Variants in TNFSF9 observed in about 807,000 individuals in gnomAD.
The protein encoded by TNFSF9 is tumor necrosis factor ligand superfamily member 9.
TNFSF9 carries 10 observed loss-of-function variants against 10.3 expected under a neutral mutation model. The ratio of observed to expected loss-of-function variants is 0.97; its 90% CI spans 0.60 to 1.65. The LOEUF is 1.65. Among genes scored for constraint, TNFSF9 ranks in the 40% most tolerant of loss-of-function variants. TNFSF9 has a pLI of 0.00. For synonymous variants in TNFSF9, 195 were observed against 176.1 expected (o/e 1.11, Z -0.85); for missense variants, 361 against 348.9 (o/e 1.03, Z -0.28).
chr19:6,533,303 G>T, intron 2 of TNFSF9, among the ~76,000 whole-genome samples: 1 of 47,202 alleles, frequency 2.1e-5, no homozygotes, highest in Non-Finnish European at 3.9e-5. Context: ...CCTCCTCCCT[G>T]CCCCTTCCCC....
Position 6,534,613 on chromosome 19 carries a change from T to A in TNFSF9, c.312T>A (p.Asp104Glu). Residue 104 changes from aspartate (D) to glutamate (E), a missense_variant, in exon 3 of 3, where the codon GAT becomes GAA. Coordinates refer to ENST00000245817, the MANE Select transcript of TNFSF9 (RefSeq NM_003811.4). ...QLVAQNVLLIDGPLSWYSDPG... is the reference protein window; with the variant it reads ...QLVAQNVLLIEGPLSWYSDPG... The stretch of plus-strand genomic sequence containing the variant: ...TTCCTCCCACAGTTCTGCTGATCGA[T>A]GGGCCCCTGAGCTGGTACAGTGACC... 1 of 1,573,336 alleles carries A rather than the reference T, an allele frequency of 6.4e-7. No homozygotes were observed. The highest frequency in any genetic ancestry group is 1.4e-5 in the African/African-American group (1 of 73,984).
intron 1 of TNFSF9, 104 bp downstream of exon 1, chr19:6,531,407 A>C: frequency 7.4e-7 from 1 of 1,344,384 alleles, no homozygotes; most frequent in Non-Finnish European, 9.5e-7. Context: ...CCTGTTCTAC[A>C]CTCCCGGCCG....
At position 6,534,619 on chromosome 19, in the gene TNFSF9, C is replaced by T. The variant is rs369015928; in HGVS notation, c.318C>T (p.Pro106=). 3 of 1,576,660 alleles carry T rather than the reference C, an allele frequency of 1.9e-6. No homozygotes were observed. The highest frequency in any genetic ancestry group is 2.6e-6 in the Non-Finnish European group (3 of 1,161,652). ...CCACAGTTCTGCTGATCGATGGGCC[C>T]CTGAGCTGGTACAGTGACCCAGGCC... ...VAQNVLLIDG[P]LSWYSDPGLA... The change falls in exon 3 of 3, where the codon CCC becomes CCT. Residue 106 remains proline, a synonymous_variant. Transcript: ENST00000245817.
intron 1 of TNFSF9, among the ~76,000 whole-genome samples, 164 bp from the exon 2 acceptor site, chr19:6,532,622 T>C (rs1188644320): frequency 7.1e-6 from 1 of 140,046 alleles, no homozygotes; most frequent in Non-Finnish European, 1.5e-5. Context: ...TGTGTGTTTG[T>C]GTGTGTGTGT....
intron 2 of TNFSF9, among the ~76,000 whole-genome samples, chr19:6,533,370 C>T (rs1277608200): frequency 7.4e-6 from 1 of 135,986 alleles, no homozygotes; most frequent in African/African-American, 2.8e-5. Flanking sequence ...CCAGCACCTT[C>T]CCTCCCCGTC....
intron 2 of TNFSF9, among the ~76,000 whole-genome samples, chr19:6,533,393 C>T (rs1202558388): frequency 1.1e-4 from 15 of 134,060 alleles, no homozygotes; most frequent in Admixed American, 7.5e-4. Flanking sequence ...GAGACTTCTT[C>T]CCCGCTCGAG....
chr19:6,532,653 T>G, intron 1 of TNFSF9, 133 bp from the exon 2 acceptor site: 1 of 1,197,526 alleles, frequency 8.4e-7, no homozygotes, highest in South Asian at 1.3e-5. Context: ...TGTTCTTTAG[T>G]TGGGAGGGAA....
chr19:6,532,032 C>T (rs1364862882), intron 1 of TNFSF9, among the ~76,000 whole-genome samples: 1 of 152,160 alleles, frequency 6.6e-6, no homozygotes, highest in Non-Finnish European at 1.5e-5. Context: ...CTGGGGGGAA[C>T]CTTTTTTCCA....
intron 1 of TNFSF9, among the ~76,000 whole-genome samples, 181 bp from the exon 2 acceptor site, chr19:6,532,605 G>T (rs1297182075): frequency 6.6e-6 from 1 of 150,620 alleles, no homozygotes; most frequent in African/African-American, 2.5e-5. Flanking sequence ...GTTTGTGTTC[G>T]TGTGTTTGTG....
At position 6,531,140 on chromosome 19, in the gene TNFSF9, TG is replaced by T; in HGVS notation, c.105del (p.Leu36CysfsTer67). The stretch of plus-strand genomic sequence containing the variant: ...CTGCCTTGGGCCCTGGTCGCGGGGC[TG>T]CTGCTGCTGCTGCTGCTCGCTGCCG... Reference protein sequence around the residue: ...RVLPWALVAGLLLLLLLAAAC... With the variant: ...RVLPWALVAGXLLLLLLAAAC... On this transcript the variant is annotated frameshift_variant, in exon 1 of 3. Coordinates refer to ENST00000245817, the MANE Select transcript of TNFSF9 (RefSeq NM_003811.4). LOFTEE classifies it high-confidence loss of function. 1.3e-6 allele frequency: 2 copies of T among 1,573,120 alleles called. No homozygotes were observed. The highest frequency in any genetic ancestry group is 1.4e-5 in the African/African-American group (1 of 70,808).
Position 6,535,360 on chromosome 19 carries a change from TGGGG to T in TNFSF9, c.*304_*307del, listed in dbSNP as rs10712707. ...ATGGACTTTTTTAGAGGAGTTGTTT[TGGGG>T]GGGGGGGGGTCTTCGACATTGCCGA... On this transcript the variant is annotated 3_prime_UTR_variant, in exon 3 of 3. Transcript: ENST00000245817. The T allele has an allele frequency of 0.01, 1,272 of 122,690 alleles. 38 individuals are homozygous for T. Among genetic ancestry groups the T allele is most frequent in the African/African-American group, 0.035 (1,108 of 32,068 alleles). The allele number at this position is 122,690 out of a possible 1,614,324, so 7.6% of individuals were successfully genotyped here. A position where few individuals can be genotyped will look rare whatever the true frequency, so the allele number is the denominator to read the frequency against.
Position 6,531,123 on chromosome 19 carries a change from G to A in TNFSF9, c.87G>A (p.Trp29Ter), listed in dbSNP as rs986531317. 2 of 1,608,728 alleles carry A rather than the reference G, an allele frequency of 1.2e-6. No individual in the cohort carries two copies. Among genetic ancestry groups the A allele is most frequent in the Non-Finnish European group, 1.7e-6 (2 of 1,178,068 alleles). ...PRARACRVLP[W>*]ALVAGLLLLL... Reference sequence around the variant, plus strand: ...CTCGCGCCTGCCGCGTACTGCCTTGGGCCCTGGTCGCGGGGCTGCTGCTGC... The same window carrying A: ...CTCGCGCCTGCCGCGTACTGCCTTGAGCCCTGGTCGCGGGGCTGCTGCTGC... The change falls in exon 1 of 3, where the codon TGG becomes TGA. Residue 29 changes from tryptophan (W) to a stop codon, truncating the protein, a stop_gained. Coordinates refer to ENST00000245817, the MANE Select transcript of TNFSF9 (RefSeq NM_003811.4). LOFTEE classifies it high-confidence loss of function.
chr19:6,531,447 C>T, intron 1 of TNFSF9, 144 bp downstream of exon 1: 2 of 1,209,334 alleles, frequency 1.7e-6, no homozygotes, highest in Non-Finnish European at 2.2e-6. Flanking sequence ...GGCTCCCATT[C>T]TCCATCTAGC....
intron 1 of TNFSF9, 110 bp from the exon 2 acceptor site, chr19:6,532,676 C>A: frequency 6.8e-7 from 1 of 1,471,738 alleles, no homozygotes; most frequent in South Asian, 1.2e-5. Flanking sequence ...GAAGCGTAGG[C>A]TTCAGGTCGG....
chr19:6,533,941 G>T (rs1915208153), intron 2 of TNFSF9, among the ~76,000 whole-genome samples: 1 of 74,486 alleles, frequency 1.3e-5, no homozygotes, highest in Non-Finnish European at 2.5e-5. Flanking sequence ...CAGGTCCCCT[G>T]TCCACCCCTC....
At chr19:6,533,237 C>G (rs1915186174) in intron 2 of TNFSF9, among the ~76,000 whole-genome samples, 1 of 150,072 alleles carries the variant, frequency 6.7e-6, no homozygotes, top group African/African-American at 2.5e-5. Context: ...CCTCCTTACT[C>G]CCATTCTCTT....
chr19:6,532,295 GTGTTCGTGTTTGTGTGGGTGTT>G (rs1915162858), intron 1 of TNFSF9, among the ~76,000 whole-genome samples: 2 of 127,482 alleles, frequency 1.6e-5, no homozygotes, highest in African/African-American at 8.0e-5. Flanking sequence ...GTGTGTGTGT[GTGTTCGTGTTTGTGTGGGTGTT>G]TGTGTTCGTG....
At position 6,531,167 on chromosome 19, in the gene TNFSF9, C is replaced by A; in HGVS notation, c.131C>A (p.Ala44Asp). The A allele has an allele frequency of 1.9e-6, 3 of 1,594,722 alleles. No homozygotes were observed. Among genetic ancestry groups the A allele is most frequent in the Non-Finnish European group, 2.6e-6 (3 of 1,170,972 alleles). Residue 44 changes from alanine (A) to aspartate (D), a missense_variant, in exon 1 of 3, where the codon GCC becomes GAC. Transcript: ENST00000245817. Reference protein sequence around the residue: ...GLLLLLLLAAACAVFLACPWA... With the variant: ...GLLLLLLLAADCAVFLACPWA... Reference sequence around the variant, plus strand: ...CTGCTGCTGCTGCTGCTCGCTGCCGCCTGCGCCGTCTTCCTCGCCTGCCCC... The same window carrying A: ...CTGCTGCTGCTGCTGCTCGCTGCCGACTGCGCCGTCTTCCTCGCCTGCCCC...
chr19:6,531,110 G>A lies in TNFSF9; in HGVS notation c.74G>A (p.Arg25His), dbSNP rs2145284110. The change falls in exon 1 of 3, where the codon CGC (arginine) becomes CAC (histidine). Residue 25 changes from arginine (R) to histidine (H), a missense_variant. Arg to His is a conservative substitution (Grantham distance 29). Transcript: ENST00000245817. Reference sequence around the variant, plus strand: ...CCCGCGCCCCGCGCTCGCGCCTGCCGCGTACTGCCTTGGGCCCTGGTCGCG... The same window carrying A: ...CCCGCGCCCCGCGCTCGCGCCTGCCACGTACTGCCTTGGGCCCTGGTCGCG... ...WPPAPRARAC[R>H]VLPWALVAGL... 3.1e-6 allele frequency: 5 copies of A among 1,610,632 alleles called. No individual in the cohort carries two copies. Among genetic ancestry groups the A allele is most frequent in the Middle Eastern group, 3.3e-4 (2 of 6,052 alleles).
Sources: gnomAD v4.1 joint callset for allele counts (sites outside exome capture counted in the v4.1 genomes callset) on GRCh38, gnomAD v4.1.1 for gene constraint, MANE v1.5 for transcripts, NCBI Gene and HGNC (gene_info 2026-07-23, HGNC 2026-07-21) for gene names.